TC2N: variants seen among roughly 807,000 people sequenced by gnomAD.
The protein encoded by TC2N is tandem C2 domains, nuclear.
Under a neutral mutation model 61.9 loss-of-function variants are expected in TC2N, and 51 were observed. That is an observed-to-expected ratio of 0.82 (90% CI 0.66 to 1.04). The LOEUF (loss-of-function observed/expected upper bound fraction) is 1.04. Among genes scored for constraint, TC2N ranks in the 50% least tolerant of loss-of-function variants. TC2N has a pLI of 0.00. For synonymous variants in TC2N, 204 were observed against 192.6 expected (o/e 1.06, Z -0.49); for missense variants, 556 against 566.7 (o/e 0.98, Z 0.19).
In TC2N at chr14:91,785,303, T is replaced by G; in HGVS notation, c.1221A>C (p.Thr407=). 6.2e-7 allele frequency: 1 copy of G among 1,613,864 alleles called. No individual in the cohort carries two copies. Among genetic ancestry groups the G allele is most frequent in the Non-Finnish European group, 8.5e-7 (1 of 1,179,866 alleles). The change falls in exon 11 of 12, where the codon ACA becomes ACC. Residue 407 remains threonine, a synonymous_variant. Transcript: ENST00000435962. ...SSGELIYKKK[T]RLLKASNGRV... The stretch of plus-strand genomic sequence containing the variant: ...TTCCATTGGAGGCCTTCAGTAAGCG[T>G]GTCTTTTTCTTATAAATCAACTCTC...
intron 1 of TC2N, among the ~76,000 whole-genome samples, chr14:91,820,735 A>G (rs1887209751): frequency 6.6e-6 from 1 of 151,964 alleles, no homozygotes; most frequent in Non-Finnish European, 1.5e-5. Context: ...TTCACTAACA[A>G]ACTTACCAGA....
intron 1 of TC2N, among the ~76,000 whole-genome samples, chr14:91,850,238 T>C (rs985177753): frequency 6.6e-6 from 1 of 151,728 alleles, no homozygotes; most frequent in Admixed American, 6.6e-5. Context: ...AGAGTCATGA[T>C]GATAATCAAA....
intron 3 of TC2N, among the ~76,000 whole-genome samples, chr14:91,803,767 A>C (rs556351382): frequency 1.3e-5 from 2 of 152,234 alleles, no homozygotes; most frequent in African/African-American, 4.8e-5. Context: ...AATCATAGAC[A>C]TATTTTAATA....
chr14:91,792,123 A>G (rs1259366971), intron 9 of TC2N, among the ~76,000 whole-genome samples: 2 of 140,180 alleles, frequency 1.4e-5, no homozygotes, highest in Non-Finnish European at 3.2e-5. Flanking sequence ...CATCTCAAAG[A>G]AAAAAAGAAA....
At chr14:91,843,879 C>G (rs923134542) in intron 1 of TC2N, among the ~76,000 whole-genome samples, 3 of 148,666 alleles carry the variant, frequency 2.0e-5, no homozygotes, top group African/African-American at 7.8e-5. Context: ...GCTTTATAAT[C>G]CTATTTTTTT....
At chr14:91,804,402 A>G (rs1248119819) in intron 3 of TC2N, among the ~76,000 whole-genome samples, 2 of 152,196 alleles carry the variant, frequency 1.3e-5, no homozygotes, top group Non-Finnish European at 2.9e-5. Flanking sequence ...GTTCGTAAGT[A>G]TTATTACCCA....
chr14:91,847,161 G>T (rs1036691896), intron 1 of TC2N, among the ~76,000 whole-genome samples: 9 of 151,896 alleles, frequency 5.9e-5, no homozygotes, highest in African/African-American at 2.2e-4. Context: ...AGGAGGCTGA[G>T]GTAGGAGAAT....
chr14:91,822,147 A>G (rs756897702), intron 1 of TC2N, among the ~76,000 whole-genome samples: 2 of 152,212 alleles, frequency 1.3e-5, no homozygotes, highest in Non-Finnish European at 2.9e-5. Flanking sequence ...CCATTACTAC[A>G]TATTTACTTA....
intron 1 of TC2N, among the ~76,000 whole-genome samples, chr14:91,830,568 G>C (rs1426580380): frequency 6.6e-6 from 1 of 152,136 alleles, no homozygotes; most frequent in Non-Finnish European, 1.5e-5. Context: ...ATGGGGAATG[G>C]CTGCTAATGG....
chr14:91,824,312 A>G (rs1887395119), intron 1 of TC2N, among the ~76,000 whole-genome samples: 1 of 152,210 alleles, frequency 6.6e-6, no homozygotes, highest in African/African-American at 2.4e-5. Flanking sequence ...TTGTTAAAAT[A>G]CTTTTAATAT....
chr14:91,856,975 T>C (rs1888496182), intron 1 of TC2N, among the ~76,000 whole-genome samples: 1 of 152,170 alleles, frequency 6.6e-6, no homozygotes. Flanking sequence ...GTTACAACAG[T>C]TTAGGATTGG....
chr14:91,844,380 C>A (rs1888224648), intron 1 of TC2N, among the ~76,000 whole-genome samples: 1 of 152,144 alleles, frequency 6.6e-6, no homozygotes, highest in Non-Finnish European at 1.5e-5. Context: ...AACATCCTTG[C>A]CAAACAAACG....
chr14:91,858,592 T>C (rs1888530678), intron 1 of TC2N, among the ~76,000 whole-genome samples: 3 of 152,130 alleles, frequency 2.0e-5, no homozygotes, highest in African/African-American at 7.2e-5. Flanking sequence ...TCCTAATGAG[T>C]TCATTAGCAA....
chr14:91,794,480 C>G (rs1003933930), intron 8 of TC2N, among the ~76,000 whole-genome samples: 2 of 152,148 alleles, frequency 1.3e-5, no homozygotes, highest in South Asian at 2.1e-4. Context: ...CAATCAGTCA[C>G]TCTGAGTTGA....
intron 3 of TC2N, among the ~76,000 whole-genome samples, chr14:91,810,889 C>A: frequency 6.7e-6 from 1 of 148,892 alleles, no homozygotes; most frequent in Non-Finnish European, 1.5e-5. Flanking sequence ...GTCTCAGAGA[C>A]CCATAGAACA....
At chr14:91,839,840 C>G (rs1888131396) in intron 1 of TC2N, among the ~76,000 whole-genome samples, 1 of 152,196 alleles carries the variant, frequency 6.6e-6, no homozygotes, top group East Asian at 1.9e-4. Flanking sequence ...TAGGCACTTG[C>G]TTCAGAGAGG....
At chr14:91,784,122 C>T (rs530931821) in intron 11 of TC2N, among the ~76,000 whole-genome samples, 176 of 152,220 alleles carry the variant, frequency 1.2e-3, no homozygotes, top group African/African-American at 4.2e-3. Flanking sequence ...CAGCAAGAAC[C>T]TTTCCAGAAT....
intron 1 of TC2N, among the ~76,000 whole-genome samples, chr14:91,834,511 T>C (rs1298548444): frequency 6.6e-6 from 1 of 152,148 alleles, no homozygotes; most frequent in Non-Finnish European, 1.5e-5. Context: ...GGATCGCCTC[T>C]CCTTCTAACC....
intron 1 of TC2N, among the ~76,000 whole-genome samples, chr14:91,835,573 TC>T (rs541165232): frequency 1.2e-3 from 181 of 152,324 alleles, no homozygotes; most frequent in Non-Finnish European, 2.0e-3. Flanking sequence ...TACCCAGATG[TC>T]TATCGGTGTG....
Sources: allele counts gnomAD v4.1 joint callset (sites outside exome capture counted in the v4.1 genomes callset), GRCh38; gene constraint gnomAD v4.1.1; transcripts MANE v1.5; gene names NCBI Gene and HGNC (gene_info 2026-07-23, HGNC 2026-07-21).